The following PAN2 variants were observed in gnomAD, a reference collection of about 807,000 sequenced individuals.
The protein encoded by PAN2 is poly(A) specific ribonuclease subunit PAN2, also known as PAN2-PAN3 deadenylation complex catalytic subunit PAN2.
A neutral mutation model predicts 133.3 loss-of-function variants in PAN2; 68 were observed. The ratio of observed to expected loss-of-function variants is 0.51; its 90% CI spans 0.42 to 0.62. PAN2 has a LOEUF of 0.62. PAN2 is among the 20% of genes least tolerant of loss of function. The pLI is 0.00. For synonymous variants in PAN2, 462 were observed against 544.6 expected (o/e 0.85, Z 2.11); for missense variants, 1,042 against 1,500.5 (o/e 0.69, Z 5.05).
intron 14 of PAN2, 95 bp downstream of exon 14, chr12:56,323,712 G>T: frequency 1.4e-6 from 2 of 1,399,620 alleles, no homozygotes; most frequent in Non-Finnish European, 2.0e-6. Flanking sequence ...AGAGATCCCT[G>T]GATGGCAGTG....
rs1874040594 is a variant in PAN2 at position 56,317,476 on chromosome 12, A to G, written c.*133T>C. 5.6e-6 allele frequency: 4 copies of G among 717,862 alleles called. No individual in the cohort carries two copies. The highest frequency in any genetic ancestry group is 1.0e-5 in the Non-Finnish European group (4 of 400,306). 44.5% of individuals were successfully genotyped at this position (717,862 alleles called of 1,614,324 possible). ...GTGTTCCAGTTCAATTAATAGCACC[A>G]TCTGTGACCCTAGACCCTGAGCACG... On this transcript the variant is annotated 3_prime_UTR_variant, in exon 26 of 26. Transcript: ENST00000440411.
chr12:56,325,167 C>CAA, intron 9 of PAN2, 39 bp from the exon 10 acceptor site: 1 of 1,605,598 alleles, frequency 6.2e-7, no homozygotes, highest in Non-Finnish European at 8.5e-7. Context: ...AGGATATTCT[C>CAA]AGAGTCCCCA....
chr12:56,328,759 T>A, intron 2 of PAN2, 118 bp from the exon 3 acceptor site: 1 of 707,640 alleles, frequency 1.4e-6, no homozygotes, highest in Non-Finnish European at 2.3e-6. Context: ...CCTTTGTGAC[T>A]AGGAGCAACT....
chr12:56,319,749 G>A lies in PAN2; in HGVS notation c.2962C>T (p.Arg988Cys), dbSNP rs775629100. The A allele has an allele frequency of 3.1e-6, 5 of 1,613,252 alleles. No homozygotes were observed. Among genetic ancestry groups the A allele is most frequent in the Non-Finnish European group, 4.2e-6 (5 of 1,179,580 alleles). The change falls in exon 22 of 26, where the codon CGC becomes TGC. Residue 988 changes from arginine to cysteine, a missense_variant. Physicochemically the swap from Arg to Cys is radical, Grantham distance 180 (BLOSUM62 -3). Around this residue, in one of 3 missense-constraint regions of PAN2, gnomAD observed 49 missense variants for 160.5 expected, o/e 0.31. Coordinates refer to ENST00000440411, the MANE Select transcript of PAN2 (RefSeq NM_014871.6). This position sits in a 1 kb window ranked among gnomAD's most constrained non-coding sequence, Gnocchi z 5.4. ...VTLNEEEAEL[R>C]SDGTKSTIKP... ...ATGGTAGACTTGGTACCATCACTGC[G>A]TAACTCTGCTTCCTCCTACATGAGA...
intron 2 of PAN2, among the ~76,000 whole-genome samples, chr12:56,332,048 C>T (rs1430194064): frequency 6.6e-6 from 1 of 152,020 alleles, no homozygotes; most frequent in Non-Finnish European, 1.5e-5. Context: ...TCTTTGGGCA[C>T]CATAGCATAT....
rs1874884957 is a variant in PAN2, at chr12:56,324,323, T to G, written c.1899A>C (p.Ile633=). The G allele has an allele frequency of 6.2e-7, 1 of 1,614,080 alleles. No individual in the cohort carries two copies. Among genetic ancestry groups the G allele is most frequent in the Non-Finnish European group, 8.5e-7 (1 of 1,180,042 alleles). The change falls in exon 12 of 26, where the codon ATA becomes ATC. Residue 633 remains isoleucine, a synonymous_variant. Coordinates refer to ENST00000440411, the MANE Select transcript of PAN2 (RefSeq NM_014871.6). ...CTCCAGCACCTCGATAAGCCTGTGG[T>G]ATTTCCAGCTCCTGCATATCTTGAT... ...QLHQDMQELE[I]PQAYRGAGGS... is the part of the protein sequence containing the mutation.
chr12:56,320,724 C>T (rs1480736219), intron 20 of PAN2, among the ~76,000 whole-genome samples: 1 of 151,064 alleles, frequency 6.6e-6, no homozygotes, highest in Non-Finnish European at 1.5e-5. Flanking sequence ...ATTTCCACTC[C>T]ACTCTCAAGA....
In PAN2 at chr12:56,332,700, T is replaced by C. The variant is rs1876051217; in HGVS notation, c.282+113A>G. 7.0e-6 allele frequency: 7 copies of C among 1,000,846 alleles called. No individual in the cohort carries two copies. The East Asian group carries it at 1.7e-4, about 24-fold the overall frequency. The allele number at this position is 1,000,846 out of a possible 1,614,324, so 62.0% of individuals were successfully genotyped here. Reference sequence around the variant, plus strand: ...TTATCCCTCCAACCAGACCCAGCTGTCTCATCACTACAACTCCTCGGTACT... The same window carrying C: ...TTATCCCTCCAACCAGACCCAGCTGCCTCATCACTACAACTCCTCGGTACT... On this transcript the variant is annotated intron_variant, in intron 2 of 25. Transcript: ENST00000440411.
chr12:56,326,354 T>C lies in PAN2; in HGVS notation c.1318A>G (p.Ile440Val). The change falls in exon 8 of 26, where the codon ATT (isoleucine) becomes GTT (valine). Residue 440 changes from isoleucine to valine, a missense_variant. Ile to Val is a conservative substitution (Grantham distance 29). Transcript: ENST00000440411. ...GTGCGGGGATTGGGCGCATAGCCAA[T>C]GAAGCCCACCTTCTTCATGGTGCGC... ...ILRTMKKVGF[I>V]GYAPNPRTRL... 2.5e-6 allele frequency: 4 copies of C among 1,605,426 alleles called. No homozygotes were observed. Among genetic ancestry groups the C allele is most frequent in the Non-Finnish European group, 2.6e-6 (3 of 1,174,164 alleles).
In PAN2 at chr12:56,321,544, TAA is replaced by T. The variant is rs11300464; in HGVS notation, c.2788+532_2788+533del. 1.7e-3 allele frequency among the ~76,000 whole-genome samples: 242 copies of T among 138,766 alleles called. 1 individual carries two copies. The highest frequency in any genetic ancestry group is 7.1e-3 in the Middle Eastern group (2 of 280). 91.0% of individuals were successfully genotyped at this position (138,766 alleles called of 152,430 possible). On this transcript the variant is annotated intron_variant, in intron 20 of 25. Coordinates refer to ENST00000440411, the MANE Select transcript of PAN2 (RefSeq NM_014871.6). ...TGTGCCTGGCCTATACTAGGCTAAT[TAA>T]AAAAAAAAAAAAAATTTTTTTAGGC...
rs1365590995 is a variant in PAN2, at chr12:56,324,726, A to G, written c.1600-17T>C. 6.2e-7 allele frequency: 1 copy of G among 1,609,214 alleles called. No individual in the cohort carries two copies. Among genetic ancestry groups the G allele is most frequent in the Admixed American group, 1.7e-5 (1 of 58,630 alleles). Reference sequence around the variant, plus strand: ...ATAGAGCACCTGGAGGGAAAAGCAGAAGAACTGATGTAGGAAACTGGCCTG... The same window carrying G: ...ATAGAGCACCTGGAGGGAAAAGCAGGAGAACTGATGTAGGAAACTGGCCTG... On this transcript the variant is annotated splice_polypyrimidine_tract_variant and intron_variant, in intron 10 of 25. Transcript: ENST00000440411.
intron 8 of PAN2, 86 bp from the exon 9 acceptor site, chr12:56,325,540 C>T: frequency 6.8e-7 from 1 of 1,464,728 alleles, no homozygotes; most frequent in Non-Finnish European, 9.5e-7. Context: ...GAAACAGCCA[C>T]CAAGTCCTGA....
intron 4 of PAN2, 22 bp from the exon 5 acceptor site, chr12:56,328,094 A>C: frequency 6.2e-7 from 1 of 1,613,198 alleles, no homozygotes; most frequent in Non-Finnish European, 8.5e-7. Flanking sequence ...AGCAGGAAAA[A>C]CCAGTGAGAA....
chr12:56,317,006 A>G lies in PAN2; in HGVS notation c.*603T>C, dbSNP rs1026693766. The G allele has an allele frequency of 6.6e-6, 1 of 152,470 alleles. No individual in the cohort carries two copies. The highest frequency in any genetic ancestry group is 2.4e-5 in the African/African-American group (1 of 41,462). 9.4% of individuals were successfully genotyped at this position (152,470 alleles called of 1,614,324 possible). ...GCAGTTTACAACAAATTTTTAAAAAATGGAACAAAACTTGGGACAGGCAAG... is the reference window on the plus strand; with the variant it reads ...GCAGTTTACAACAAATTTTTAAAAAGTGGAACAAAACTTGGGACAGGCAAG... On this transcript the variant is annotated 3_prime_UTR_variant, in exon 26 of 26. Coordinates refer to ENST00000440411, the MANE Select transcript of PAN2 (RefSeq NM_014871.6).
chr12:56,327,922 G>A (rs1231860854), intron 5 of PAN2, 73 bp downstream of exon 5: 1 of 1,602,894 alleles, frequency 6.2e-7, no homozygotes, highest in Non-Finnish European at 8.5e-7. Flanking sequence ...CCAGAGTTAA[G>A]GGAAAGCAGA....
chr12:56,322,951 C>T, intron 17 of PAN2, 111 bp downstream of exon 17: 1 of 1,392,502 alleles, frequency 7.2e-7, no homozygotes, highest in Non-Finnish European at 1.0e-6. Flanking sequence ...AATACTAGGC[C>T]TTATTCTCTT....
chr12:56,322,291 C>T, intron 19 of PAN2, 123 bp from the exon 20 acceptor site: 1 of 1,044,086 alleles, frequency 9.6e-7, no homozygotes, highest in Non-Finnish European at 1.5e-6. Flanking sequence ...TTTTTAAGTG[C>T]TAATGGTTTT....
rs199930976 is a variant in PAN2 at position 56,319,341 on chromosome 12, G to A, written c.3237C>T (p.Gly1079=). The change falls in exon 23 of 26, where the codon GGC becomes GGT. Residue 1079 remains glycine, a synonymous_variant. Coordinates refer to ENST00000440411, the MANE Select transcript of PAN2 (RefSeq NM_014871.6). This position sits in a 1 kb window ranked among gnomAD's most constrained non-coding sequence, Gnocchi z 5.4. ...IDIGVKFVGH[G]LQKDFRVINL... is the part of the protein sequence containing the mutation. Reference sequence around the variant, plus strand: ...TGATGACCCGGAAGTCCTTCTGCAGGCCATGACCCACAAACTTGACTCCAA... The same window carrying A: ...TGATGACCCGGAAGTCCTTCTGCAGACCATGACCCACAAACTTGACTCCAA... The A allele has an allele frequency of 6.2e-7, 1 of 1,614,128 alleles. No homozygotes were observed. The highest frequency in any genetic ancestry group is 1.3e-5 in the African/African-American group (1 of 75,018).
At position 56,324,514 on chromosome 12, in the gene PAN2, A is replaced by G; in HGVS notation, c.1729-21T>C. The G allele has an allele frequency of 1.2e-6, 2 of 1,612,896 alleles. 1 individual carries two copies. Among genetic ancestry groups the G allele is most frequent in the South Asian group, 2.2e-5 (2 of 91,032 alleles). On this transcript the variant is annotated intron_variant, in intron 11 of 25. Transcript: ENST00000440411. ...TTGCCCTGGAAATGTGTTGGTGGAA[A>G]GGGGTTATTTTGTCTTTTGTGTCCA...
Sources: allele counts gnomAD v4.1 joint callset (sites outside exome capture counted in the v4.1 genomes callset), GRCh38; gene constraint gnomAD v4.1.1; regional missense constraint gnomAD v4.1.1; non-coding constraint Gnocchi (gnomAD v3.1); transcripts MANE v1.5; gene names NCBI Gene and HGNC (gene_info 2026-07-23, HGNC 2026-07-21).